The following ZC3H11A variants were observed in gnomAD, a reference collection of about 807,000 sequenced individuals.
The protein encoded by ZC3H11A is zinc finger CCCH-type containing 11A.
A neutral mutation model predicts 90.8 loss-of-function variants in ZC3H11A; 22 were observed. That is an observed-to-expected ratio of 0.24 (90% CI 0.17 to 0.35). The LOEUF (loss-of-function observed/expected upper bound fraction) is 0.35. ZC3H11A is among the 10% of genes least tolerant of loss of function. ZC3H11A has a pLI of 1.00. For missense variants in ZC3H11A, 701 were observed against 964.9 expected, an observed-to-expected ratio of 0.73 and a Z score of 3.62; for synonymous variants, 294 against 339.8, an observed-to-expected ratio of 0.87 and a Z score of 1.48.
chr1:203,850,741 T>A (rs1689057576), intron 16 of ZC3H11A, 60 bp downstream of exon 16: 1 of 1,567,706 alleles, frequency 6.4e-7, no homozygotes, highest in African/African-American at 1.4e-5. Flanking sequence ...CAGGAAAGAC[T>A]AACTCTCCAC....
At chr1:203,799,808 G>T (rs1275546573) in intron 1 of ZC3H11A, 1 of 1,362,362 alleles carries the variant, frequency 7.3e-7, no homozygotes, top group Non-Finnish European at 1.0e-6. Context: ...TTAAATCCAA[G>T]CCCTGTATCT....
chr1:203,831,917 A>G, intron 9 of ZC3H11A, 146 bp downstream of exon 9: 1 of 642,154 alleles, frequency 1.6e-6, no homozygotes, highest in Non-Finnish European at 2.7e-6. Context: ...AAAAGTTGGT[A>G]CATTCAACTC....
intron 2 of ZC3H11A, among the ~76,000 whole-genome samples, chr1:203,815,191 T>TTCA (rs1347028886): frequency 1.4e-5 from 2 of 145,636 alleles, no homozygotes; most frequent in South Asian, 2.1e-4. Flanking sequence ...TAGATGTTAT[T>TTCA]TCATTATTTT....
At position 203,847,469 on chromosome 1, in the gene ZC3H11A, C is replaced by A; in HGVS notation, c.1328C>A (p.Thr443Lys). 6.2e-7 allele frequency: 1 copy of A among 1,613,872 alleles called. No homozygotes were observed. The highest frequency in any genetic ancestry group is 1.1e-5 in the South Asian group (1 of 91,070). ...KLKIDSEIKK[T>K]VVLPPIVASR... ...AAGATTGATAGTGAAATTAAAAAAACAGTAGTTTTGCCACCCATTGTTGCC... is the reference window on the plus strand; with the variant it reads ...AAGATTGATAGTGAAATTAAAAAAAAAGTAGTTTTGCCACCCATTGTTGCC... The change falls in exon 13 of 18, where the codon ACA (threonine) becomes AAA (lysine). Residue 443 changes from threonine to lysine, a missense_variant. Physicochemically the swap from Thr to Lys is moderately conservative, Grantham distance 78 (BLOSUM62 -1). Around this residue, in one of 4 missense-constraint regions of ZC3H11A, gnomAD observed 530 missense variants for 696.2 expected, o/e 0.76. Coordinates refer to ENST00000367210, the MANE Select transcript of ZC3H11A (RefSeq NM_001376342.1).
chr1:203,806,022 G>A lies in ZC3H11A; in HGVS notation c.-146+3006G>A, dbSNP rs1399121021. 3.5e-5 allele frequency: 19 copies of A among 547,880 alleles called. No individual in the cohort carries two copies. The East Asian group carries it at 7.1e-4, about 21-fold the overall frequency. The allele number at this position is 547,880 out of a possible 1,614,324, so 33.9% of individuals were successfully genotyped here. A position where few individuals can be genotyped will look rare whatever the true frequency, so the allele number is the denominator to read the frequency against. Reference sequence around the variant, plus strand: ...CTTGTTTCATGTTGAATGACTCTTGGGTGCGATTGTCCTGCTGCTGCTCAT... The same window carrying A: ...CTTGTTTCATGTTGAATGACTCTTGAGTGCGATTGTCCTGCTGCTGCTCAT... On this transcript the variant is annotated intron_variant, in intron 2 of 17. Transcript: ENST00000367210.
At position 203,847,274 on chromosome 1, in the gene ZC3H11A, C is replaced by G; in HGVS notation, c.1133C>G (p.Thr378Ser). Residue 378 changes from threonine (T) to serine (S), a missense_variant, in exon 13 of 18, where the codon ACT (threonine) becomes AGT (serine). Transcript: ENST00000367210. ...AGTCAGAAACGTGGAGAATTGCAAA[C>G]TAAACTCAAGACAGAAGGACCTTCA... ...RASQKRGELQ[T>S]KLKTEGPSKT... 1 of 1,613,776 alleles carries G rather than the reference C, an allele frequency of 6.2e-7. No homozygotes were observed. The highest frequency in any genetic ancestry group is 2.2e-5 in the East Asian group (1 of 44,868).
Position 203,818,662 on chromosome 1 carries a change from G to T in ZC3H11A, c.147G>T (p.Val49=), listed in dbSNP as rs750170466. 1 of 1,614,158 alleles carries T rather than the reference G, an allele frequency of 6.2e-7. No individual in the cohort carries two copies. Among genetic ancestry groups the T allele is most frequent in the Non-Finnish European group, 8.5e-7 (1 of 1,180,036 alleles). ...AAGAAGGGCGCTGTTTTCGACAGGT[G>T]TGCAGGTTTCGGCACATGGAGATTG... The part of the protein sequence containing the change: ...LWQEGRCFRQ[V]CRFRHMEIDK... Residue 49 remains valine (V), a synonymous_variant, in exon 4 of 18, where the codon GTG becomes GTT. Transcript: ENST00000367210.
At chr1:203,851,031 GAA>G in intron 16 of ZC3H11A, 24 bp from the exon 17 acceptor site, 1 of 1,612,902 alleles carries the variant, frequency 6.2e-7, no homozygotes, top group Non-Finnish European at 8.5e-7. Context: ...GACTCTCACT[GAA>G]TTACCTGACT....
At chr1:203,807,007 A>T (rs1027386040) in intron 2 of ZC3H11A, among the ~76,000 whole-genome samples, 1 of 151,564 alleles carries the variant, frequency 6.6e-6, no homozygotes, top group Non-Finnish European at 1.5e-5. Flanking sequence ...ACCCATTCCT[A>T]GTCCCAGAAT....
chr1:203,831,883 T>C (rs1682500117), intron 9 of ZC3H11A, 112 bp downstream of exon 9: 5 of 794,722 alleles, frequency 6.3e-6, no homozygotes, highest in Non-Finnish European at 8.0e-6. Flanking sequence ...TTTGTTAGTA[T>C]GCTGATGAGA....
At chr1:203,825,432 T>A (rs910770253) in intron 4 of ZC3H11A, among the ~76,000 whole-genome samples, 3 of 96,488 alleles carry the variant, frequency 3.1e-5, no homozygotes, top group African/African-American at 1.0e-4. Context: ...TGGAGGATTT[T>A]TTTTTTTTTT....
intron 1 of ZC3H11A, chr1:203,799,743 C>A: frequency 1.2e-6 from 1 of 805,536 alleles, no homozygotes; most frequent in Non-Finnish European, 2.1e-6. Context: ...GGCCCTCAAT[C>A]TGGTGGATAG....
At chr1:203,850,918 A>T in intron 16 of ZC3H11A, 139 bp from the exon 17 acceptor site, 1 of 1,222,180 alleles carries the variant, frequency 8.2e-7, no homozygotes, top group South Asian at 1.4e-5. Flanking sequence ...TTATATACTC[A>T]ACCTTTAGAT....
At chr1:203,839,679 T>A (rs1401013809) in intron 11 of ZC3H11A, among the ~76,000 whole-genome samples, 1 of 152,202 alleles carries the variant, frequency 6.6e-6, no homozygotes, top group Non-Finnish European at 1.5e-5. Flanking sequence ...TATTTTAAAT[T>A]TACTTGGAGG....
rs554347293 is a variant in ZC3H11A at position 203,801,972 on chromosome 1, G to A, written c.-1190G>A. ...AGTAAAGAATTTGGACCTAGGCTGC[G>A]TAAGCAAGCCTTTCCAGGGCCACTA... On this transcript the variant is annotated 5_prime_UTR_variant, in exon 2 of 18. Coordinates refer to ENST00000367210, the MANE Select transcript of ZC3H11A (RefSeq NM_001376342.1). The A allele has an allele frequency of 2.4e-4, 36 of 152,720 alleles. No individual in the cohort carries two copies. The highest frequency in any genetic ancestry group is 4.3e-4 in the Non-Finnish European group (29 of 68,010). 9.5% of individuals were successfully genotyped at this position (152,720 alleles called of 1,614,324 possible).
At chr1:203,829,966 A>G in intron 7 of ZC3H11A, 70 bp downstream of exon 7, 1 of 1,442,246 alleles carries the variant, frequency 6.9e-7, no homozygotes, top group South Asian at 1.2e-5. Context: ...GTTCACAATC[A>G]TTGACCTCCC....
chr1:203,797,651 A>G (rs1447087379), intron 1 of ZC3H11A: 3 of 1,536,124 alleles, frequency 2.0e-6, no homozygotes, highest in South Asian at 1.2e-5. Flanking sequence ...AAGATGTGGT[A>G]GAGGAAAAGA....
chr1:203,848,009 C>T (rs957208547), intron 13 of ZC3H11A, among the ~76,000 whole-genome samples: 1 of 152,098 alleles, frequency 6.6e-6, no homozygotes, highest in Admixed American at 6.5e-5. Context: ...ACATGTGCCA[C>T]CACACCCCGC....
intron 9 of ZC3H11A, 84 bp from the exon 10 acceptor site, chr1:203,833,707 C>T: frequency 1.0e-6 from 1 of 989,676 alleles, no homozygotes; most frequent in Non-Finnish European, 1.4e-6. Flanking sequence ...ACACTAATAT[C>T]AGAACATACT....
Sources: allele counts gnomAD v4.1 joint callset (sites outside exome capture counted in the v4.1 genomes callset), GRCh38; gene constraint gnomAD v4.1.1; regional missense constraint gnomAD v4.1.1; transcripts MANE v1.5; gene names NCBI Gene and HGNC (gene_info 2026-07-23, HGNC 2026-07-21).